The following SNTG1 variants were observed in gnomAD, a reference collection of about 807,000 sequenced individuals.
SNTG1 encodes the protein syntrophin gamma 1.
SNTG1 carries 39 observed loss-of-function variants against 74.7 expected under a neutral mutation model. The ratio of observed to expected loss-of-function variants is 0.52; its 90% CI spans 0.40 to 0.68. SNTG1 has a LOEUF of 0.68. SNTG1 is among the 30% of genes least tolerant of loss of function. SNTG1 has a pLI of 0.00. For synonymous variants in SNTG1, 254 were observed against 217.1 expected, an observed-to-expected ratio of 1.17 and a Z score of -1.49; for missense variants, 685 against 609.5, an observed-to-expected ratio of 1.12 and a Z score of -1.30.
intron 17 of SNTG1, among the ~76,000 whole-genome samples, chr8:50,751,687 C>A (rs2095567772): frequency 1.3e-5 from 2 of 151,942 alleles, no homozygotes; most frequent in Non-Finnish European, 2.9e-5. Context: ...CACTTTGTCA[C>A]TTCTATTGAA....
At chr8:49,968,012 G>A (rs1470180368) in intron 1 of SNTG1, among the ~76,000 whole-genome samples, 1 of 152,082 alleles carries the variant, frequency 6.6e-6, no homozygotes, top group Non-Finnish European at 1.5e-5. Flanking sequence ...CAGTACTTCA[G>A]AGAATCACCC....
At chr8:50,634,666 T>G (rs1245171191) in intron 13 of SNTG1, among the ~76,000 whole-genome samples, 1 of 152,192 alleles carries the variant, frequency 6.6e-6, no homozygotes, top group Non-Finnish European at 1.5e-5. Flanking sequence ...ATTGTTTAGC[T>G]TTTTTGTCTA....
intron 1 of SNTG1, among the ~76,000 whole-genome samples, chr8:50,137,577 G>A (rs769850724): frequency 2.0e-5 from 3 of 152,128 alleles, no homozygotes; most frequent in Non-Finnish European, 2.9e-5. Context: ...AAGTATTCCC[G>A]AGAATAAATA....
intron 1 of SNTG1, among the ~76,000 whole-genome samples, chr8:50,060,957 A>G (rs887017475): frequency 6.6e-6 from 1 of 152,078 alleles, no homozygotes; most frequent in Non-Finnish European, 1.5e-5. Flanking sequence ...CAGTTGGCTA[A>G]TATTTTGTTG....
At chr8:50,051,541 C>A (rs1337841219) in intron 1 of SNTG1, among the ~76,000 whole-genome samples, 4 of 152,086 alleles carry the variant, frequency 2.6e-5, no homozygotes, top group Non-Finnish European at 5.9e-5. Flanking sequence ...TATTGTCTCA[C>A]AGTTGTGTAA....
At chr8:49,920,556 TAAAC>T (rs1458951253) in intron 1 of SNTG1, among the ~76,000 whole-genome samples, 6 of 151,834 alleles carry the variant, frequency 4.0e-5, no homozygotes, top group Non-Finnish European at 5.9e-5. Context: ...AAAAAACAAA[TAAAC>T]AACAACAACA....
chr8:49,915,687 G>T lies in SNTG1; in HGVS notation c.-103+3456G>T, dbSNP rs557820578. Among the ~76,000 whole-genome samples the T allele has an allele frequency of 3.9e-5, 6 of 152,262 alleles. No individual in the cohort carries two copies. The South Asian group carries it at 1.2e-3, about 32-fold the overall frequency. On this transcript the variant is annotated intron_variant, in intron 1 of 18. Coordinates refer to ENST00000642720, the MANE Select transcript of SNTG1 (RefSeq NM_018967.5). ...AGGAGGATTAATGTTTGTCATTAGT[G>T]ATATTGATAAGGAAACTCATACGAT... is the stretch of plus-strand genomic sequence containing the variant.
intron 13 of SNTG1, among the ~76,000 whole-genome samples, chr8:50,600,759 G>A (rs2094767139): frequency 6.6e-6 from 1 of 151,302 alleles, no homozygotes; most frequent in African/African-American, 2.4e-5. Context: ...GTTATCTTTT[G>A]TATTGTTTTA....
At chr8:50,560,457 T>C (rs956685525) in intron 12 of SNTG1, among the ~76,000 whole-genome samples, 9 of 152,188 alleles carry the variant, frequency 5.9e-5, no homozygotes, top group African/African-American at 1.9e-4. Context: ...AGCAAGGACA[T>C]TGAATCAACC....
At chr8:50,480,062 A>G (rs2093727390) in intron 8 of SNTG1, among the ~76,000 whole-genome samples, 2 of 152,220 alleles carry the variant, frequency 1.3e-5, no homozygotes, top group African/African-American at 4.8e-5. Flanking sequence ...ACCTCTGGCT[A>G]GAATTACATG....
At chr8:50,133,314 T>A (rs1454161268) in intron 1 of SNTG1, among the ~76,000 whole-genome samples, 1 of 152,154 alleles carries the variant, frequency 6.6e-6, no homozygotes, top group African/African-American at 2.4e-5. Flanking sequence ...GGAGCACTGT[T>A]AATGTCCATA....
chr8:50,364,146 C>T (rs944627832), intron 2 of SNTG1, among the ~76,000 whole-genome samples: 1 of 152,128 alleles, frequency 6.6e-6, no homozygotes, highest in Non-Finnish European at 1.5e-5. Context: ...TCTCCAGTCC[C>T]TCTTGCCTTC....
chr8:50,300,266 C>A (rs1450395080), intron 2 of SNTG1, among the ~76,000 whole-genome samples: 1 of 152,066 alleles, frequency 6.6e-6, no homozygotes, highest in Non-Finnish European at 1.5e-5. Flanking sequence ...TTGTTTGCAT[C>A]CTTCATGAAG....
At chr8:50,774,599 T>G (rs1450651423) in intron 18 of SNTG1, among the ~76,000 whole-genome samples, 1 of 151,820 alleles carries the variant, frequency 6.6e-6, no homozygotes, top group Non-Finnish European at 1.5e-5. Context: ...AAAATAATTT[T>G]TAGATAATAA....
chr8:49,999,983 A>G (rs1814597488), intron 1 of SNTG1, among the ~76,000 whole-genome samples: 2 of 152,152 alleles, frequency 1.3e-5, no homozygotes, highest in Non-Finnish European at 2.9e-5. Context: ...TGTTGAATTG[A>G]ATAATTGTAT....
chr8:50,625,963 A>G (rs2094953719), intron 13 of SNTG1, among the ~76,000 whole-genome samples: 1 of 152,200 alleles, frequency 6.6e-6, no homozygotes, highest in Admixed American at 6.5e-5. Flanking sequence ...CAGTGAGACT[A>G]TGGTGGTGGA....
intron 4 of SNTG1, among the ~76,000 whole-genome samples, chr8:50,421,453 C>T (rs2093086163): frequency 6.6e-6 from 1 of 152,124 alleles, no homozygotes; most frequent in Non-Finnish European, 1.5e-5. Context: ...GTGAGGAACA[C>T]CAGAGGCCAC....
intron 2 of SNTG1, among the ~76,000 whole-genome samples, chr8:50,306,010 T>C (rs1486536866): frequency 2.3e-4 from 35 of 152,004 alleles, no homozygotes; most frequent in Non-Finnish European, 1.5e-5. Flanking sequence ...ATAGTATACA[T>C]TTTATCCAAT....
intron 11 of SNTG1, among the ~76,000 whole-genome samples, chr8:50,545,491 A>AATATAT (rs60704745): frequency 0.02 from 3,013 of 146,982 alleles, 103 homozygotes; most frequent in African/African-American, 0.07. Context: ...ATGTTATATA[A>AATATAT]ATATATATAT....
Sources: gnomAD v4.1 joint callset for allele counts (sites outside exome capture counted in the v4.1 genomes callset) on GRCh38, gnomAD v4.1.1 for gene constraint, MANE v1.5 for transcripts, NCBI Gene and HGNC (gene_info 2026-07-23, HGNC 2026-07-21) for gene names.